PCTP: variants seen among roughly 807,000 people sequenced by gnomAD.
The protein encoded by PCTP is START domain-containing protein 2.
A neutral mutation model predicts 31.0 loss-of-function variants in PCTP; 27 were observed. That is an observed-to-expected ratio of 0.87 (90% CI 0.64 to 1.20). The LOEUF is 1.20. PCTP is among the 50% of genes most tolerant of loss of function. PCTP has a pLI of 0.00. For missense variants in PCTP, 287 were observed against 268.2 expected, an observed-to-expected ratio of 1.07 and a Z score of -0.49; for synonymous variants, 108 against 101.2, an observed-to-expected ratio of 1.07 and a Z score of -0.40.
intron 1 of PCTP, among the ~76,000 whole-genome samples, chr17:55,761,633 T>A (rs1597975438): frequency 6.7e-6 from 1 of 148,252 alleles, no homozygotes; most frequent in Non-Finnish European, 1.5e-5. Flanking sequence ...CTATATATAT[T>A]TATATATATT....
chr17:55,790,640 C>T (rs550518595), intron 3 of PCTP, among the ~76,000 whole-genome samples: 4,975 of 151,216 alleles, frequency 0.033, 246 homozygotes, highest in African/African-American at 0.11. Flanking sequence ...AACCACTGCT[C>T]GAGGAAATAA....
At chr17:55,761,161 T>C (rs2912553) in intron 1 of PCTP, among the ~76,000 whole-genome samples, 99,270 of 152,154 alleles carry the variant, frequency 0.65, 37,649 homozygotes, top group East Asian at 0.87. Context: ...CATTTCCTTC[T>C]GTAAAGGTAG....
intron 3 of PCTP, among the ~76,000 whole-genome samples, chr17:55,806,740 G>C (rs1912593384): frequency 1.3e-5 from 2 of 152,136 alleles, no homozygotes. Context: ...TTAGATGGGA[G>C]TGTAGACATC....
chr17:55,786,730 TC>T (rs1348726996), intron 2 of PCTP, among the ~76,000 whole-genome samples: 2 of 152,212 alleles, frequency 1.3e-5, no homozygotes, highest in Non-Finnish European at 1.5e-5. Flanking sequence ...TAGTGTGTCT[TC>T]ATTTTGTGGT....
chr17:55,837,608 T>C (rs1905819938), intron 5 of PCTP, among the ~76,000 whole-genome samples: 2 of 152,202 alleles, frequency 1.3e-5, no homozygotes, highest in Admixed American at 1.3e-4. Context: ...AATCCTCATA[T>C]GTCTTCCTTT....
chr17:55,834,064 A>G (rs980589673), intron 5 of PCTP, among the ~76,000 whole-genome samples: 1 of 152,218 alleles, frequency 6.6e-6, no homozygotes, highest in Non-Finnish European at 1.5e-5. Context: ...AAACACAAGC[A>G]TAAGGAGGAA....
At chr17:55,799,554 G>C (rs1912306379) in intron 3 of PCTP, among the ~76,000 whole-genome samples, 1 of 151,854 alleles carries the variant, frequency 6.6e-6, no homozygotes, top group South Asian at 2.1e-4. Context: ...CTTTTAATTG[G>C]GGCATTTAGC....
chr17:55,841,964 T>G (rs773188609), intron 5 of PCTP, among the ~76,000 whole-genome samples: 2 of 152,180 alleles, frequency 1.3e-5, no homozygotes, highest in Non-Finnish European at 2.9e-5. Flanking sequence ...TATTGAGATA[T>G]AGATTGAGTA....
At chr17:55,827,595 G>T (rs947749788), downstream of PCTP, among the ~76,000 whole-genome samples, 9 of 152,268 alleles carry the variant, frequency 5.9e-5, no homozygotes, top group East Asian at 1.7e-3. Flanking sequence ...CTTACTAAGA[G>T]GCTAGCAGAA....
At chr17:55,785,023 C>T (rs1270584520) in intron 2 of PCTP, among the ~76,000 whole-genome samples, 1 of 152,162 alleles carries the variant, frequency 6.6e-6, no homozygotes, top group African/African-American at 2.4e-5. Flanking sequence ...ATAATCCCCA[C>T]ATCTGTATAT....
rs760875258 is a variant in PCTP at position 55,776,807 on chromosome 17, A to G, written c.*707A>G. On this transcript the variant is annotated 3_prime_UTR_variant, in exon 6 of 6. Coordinates refer to ENST00000268896, the MANE Select transcript of PCTP (RefSeq NM_021213.4). ...ACAACCACATTTTTCCTCATCATCC[A>G]TGAGGAAATGGATGATTTCTCTTTT... is the stretch of plus-strand genomic sequence containing the variant. The G allele has an allele frequency of 2.2e-5, 23 of 1,044,832 alleles. No homozygotes were observed. Among genetic ancestry groups the G allele is most frequent in the Admixed American group, 5.6e-5 (1 of 17,918 alleles). The allele number at this position is 1,044,832 out of a possible 1,614,324, so 64.7% of individuals were successfully genotyped here.
At position 55,751,341 on chromosome 17, in the gene PCTP, G is replaced by A. The variant is rs1909697027; in HGVS notation, c.141+97G>A. On this transcript the variant is annotated intron_variant, in intron 1 of 5. Transcript: ENST00000268896. ...GGGCGGCAGTCGCGGAAGGGACAGGGGCGCGTCTTCTCCGGCTCAGGAAGG... is the reference window on the plus strand; with the variant it reads ...GGGCGGCAGTCGCGGAAGGGACAGGAGCGCGTCTTCTCCGGCTCAGGAAGG... The A allele has an allele frequency of 1.7e-5, 26 of 1,528,998 alleles. No homozygotes were observed. The South Asian group carries it at 2.4e-4, about 14-fold the overall frequency. 94.7% of individuals were successfully genotyped at this position (1,528,998 alleles called of 1,614,324 possible).
chr17:55,757,216 G>GTA lies in PCTP; in HGVS notation c.141+5981_141+5982dup, dbSNP rs540562274. ...CACACATGCTTGTGTGTGTATATAT[G>GTA]TATATATATACACATATATACATGT... On this transcript the variant is annotated intron_variant, in intron 1 of 5. Coordinates refer to ENST00000268896, the MANE Select transcript of PCTP (RefSeq NM_021213.4). Among the ~76,000 whole-genome samples, 394 of 149,626 alleles carry GTA rather than the reference G, an allele frequency of 2.6e-3. 5 individuals carry two copies. Among genetic ancestry groups the GTA allele is most frequent in the African/African-American group, 8.8e-3 (356 of 40,654 alleles).
At chr17:55,775,617 C>T (rs1033989667) in intron 5 of PCTP, 2 of 1,194,220 alleles carry the variant, frequency 1.7e-6, no homozygotes, top group African/African-American at 3.1e-5. Flanking sequence ...TTGCCCAGTG[C>T]TCAACATTAA....
chr17:55,778,480 A>G, downstream of PCTP, among the ~76,000 whole-genome samples: 1 of 152,226 alleles, frequency 6.6e-6, no homozygotes, highest in Admixed American at 6.5e-5. Context: ...AATGGTGACT[A>G]AATGAGTGAA....
At chr17:55,755,691 T>A (rs1342292140) in intron 1 of PCTP, among the ~76,000 whole-genome samples, 1 of 152,240 alleles carries the variant, frequency 6.6e-6, no homozygotes, top group East Asian at 1.9e-4. Context: ...ATCTTTTTCC[T>A]CTACTTCTTC....
chr17:55,833,115 A>G (rs1422420254), intron 5 of PCTP, among the ~76,000 whole-genome samples: 2 of 152,164 alleles, frequency 1.3e-5, no homozygotes, highest in African/African-American at 4.8e-5. Flanking sequence ...AGGAAATATC[A>G]CTCAGGGGAG....
chr17:55,788,795 C>T (rs1386572835), intron 3 of PCTP, among the ~76,000 whole-genome samples: 1 of 151,970 alleles, frequency 6.6e-6, no homozygotes, highest in South Asian at 2.1e-4. Flanking sequence ...TTTGCCTGTC[C>T]CTCATGAGCT....
chr17:55,751,345 C>G (rs890488), intron 1 of PCTP, 101 bp downstream of exon 1: 1,458,308 of 1,526,676 alleles, frequency 0.96, 701,801 homozygotes, highest in Non-Finnish European at 0.98. Context: ...GACAGGGGCG[C>G]GTCTTCTCCG....
Sources: allele counts gnomAD v4.1 joint callset (sites outside exome capture counted in the v4.1 genomes callset), GRCh38; gene constraint gnomAD v4.1.1; transcripts MANE v1.5; gene names NCBI Gene and HGNC (gene_info 2026-07-23, HGNC 2026-07-21).